The following LINGO2 variants were observed in gnomAD, a reference collection of about 807,000 sequenced individuals.
The protein encoded by LINGO2 is leucine-rich repeat and immunoglobulin-like domain-containing nogo receptor-interacting protein 2.
LINGO2 carries 14 observed loss-of-function variants against 30.6 expected under a neutral mutation model. The observed-to-expected ratio is 0.46, with a 90% CI of 0.30 to 0.72. LINGO2 has a LOEUF of 0.72. LINGO2 is among the 30% of genes least tolerant of loss of function. LINGO2 has a pLI of 0.07. For missense variants in LINGO2, 729 were observed against 751.7 expected, an observed-to-expected ratio of 0.97 and a Z score of 0.35; for synonymous variants, 317 against 288.5, an observed-to-expected ratio of 1.10 and a Z score of -1.00.
At chr9:28,198,381 A>G (rs1297683751) in intron 4 of LINGO2, among the ~76,000 whole-genome samples, 1 of 152,154 alleles carries the variant, frequency 6.6e-6, no homozygotes, top group Non-Finnish European at 1.5e-5. Flanking sequence ...TCTCTGGATA[A>G]ATATACTGTA....
At chr9:28,093,432 C>T (rs1041728610) in intron 4 of LINGO2, among the ~76,000 whole-genome samples, 2 of 152,084 alleles carry the variant, frequency 1.3e-5, no homozygotes, top group African/African-American at 4.8e-5. Context: ...AGCATAGCAA[C>T]ACGTTAGTTT....
the LINGO2 span, among the ~76,000 whole-genome samples, chr9:28,753,151 G>A: frequency 1.3e-5 from 2 of 151,856 alleles, no homozygotes; most frequent in Non-Finnish European, 2.9e-5. Context: ...AGGAGTGTAG[G>A]AAAATCCTCA....
chr9:28,081,318 A>T (rs1181243275), intron 4 of LINGO2, among the ~76,000 whole-genome samples: 1 of 151,930 alleles, frequency 6.6e-6, no homozygotes, highest in Non-Finnish European at 1.5e-5. Context: ...GTTCACATTC[A>T]CATTTTATTC....
chr9:29,112,621 C>T, the LINGO2 span, among the ~76,000 whole-genome samples: 1 of 152,170 alleles, frequency 6.6e-6, no homozygotes, highest in African/African-American at 2.4e-5. Flanking sequence ...ACTCTTGGCA[C>T]ATTCATAACC....
intron 1 of LINGO2, among the ~76,000 whole-genome samples, chr9:28,604,076 T>C (rs1314998328): frequency 6.6e-6 from 1 of 152,032 alleles, no homozygotes; most frequent in Non-Finnish European, 1.5e-5. Context: ...TCTATGGCCT[T>C]TTACAGTATG....
At chr9:28,816,471 C>T in the LINGO2 span, among the ~76,000 whole-genome samples, 1 of 152,104 alleles carries the variant, frequency 6.6e-6, no homozygotes, top group East Asian at 1.9e-4. Context: ...GCAATTTAGG[C>T]AAATTGTAGG....
chr9:28,374,421 G>A (rs1821041786), intron 2 of LINGO2, among the ~76,000 whole-genome samples: 3 of 151,566 alleles, frequency 2.0e-5, no homozygotes, highest in Admixed American at 2.0e-4. Context: ...ATAGAAAGAA[G>A]GACATCCAAA....
At chr9:28,598,218 C>G (rs552833620) in intron 1 of LINGO2, among the ~76,000 whole-genome samples, 11 of 151,996 alleles carry the variant, frequency 7.2e-5, no homozygotes, top group Non-Finnish European at 1.5e-4. Context: ...AGGTAGTAAA[C>G]ATCCACAGAA....
At chr9:28,479,910 G>GTT (rs1825877893) in intron 1 of LINGO2, among the ~76,000 whole-genome samples, 2 of 17,254 alleles carry the variant, frequency 1.2e-4, no homozygotes, top group Admixed American at 1.4e-3. Context: ...TATATACGTA[G>GTT]GTATATATAT....
the LINGO2 span, among the ~76,000 whole-genome samples, chr9:28,883,622 G>GTGTGTGTGTGTA: frequency 2.3e-4 from 6 of 26,040 alleles, 1 homozygote; most frequent in African/African-American, 5.0e-4. Flanking sequence ...TAAAATATGT[G>GTGTGTGTGTGTA]TGTGTGTATA....
At chr9:27,953,719 T>C (rs1479318140) in intron 5 of LINGO2, among the ~76,000 whole-genome samples, 2 of 152,196 alleles carry the variant, frequency 1.3e-5, no homozygotes, top group African/African-American at 4.8e-5. Context: ...TCCCCAGCCA[T>C]GCTGATGTGT....
chr9:28,149,076 T>A, intron 4 of LINGO2: 1 of 1,533,966 alleles, frequency 6.5e-7, no homozygotes, highest in Non-Finnish European at 8.7e-7. Flanking sequence ...GAGGCACTGT[T>A]GGTGGGTCAG....
intron 2 of LINGO2, among the ~76,000 whole-genome samples, chr9:28,401,656 T>C (rs538804025): frequency 2.4e-4 from 36 of 152,290 alleles, no homozygotes; most frequent in Middle Eastern, 6.8e-3. Context: ...TACCCAGTAA[T>C]GGGATTGCTG....
chr9:28,019,330 T>TTTC (rs1554659386), intron 4 of LINGO2, among the ~76,000 whole-genome samples: 1 of 150,336 alleles, frequency 6.7e-6, no homozygotes, highest in Non-Finnish European at 1.5e-5. Flanking sequence ...TTTTTTTTTT[T>TTTC]CCATTCCTTA....
At chr9:28,254,945 T>A (rs1476278442) in intron 4 of LINGO2, among the ~76,000 whole-genome samples, 1 of 151,980 alleles carries the variant, frequency 6.6e-6, no homozygotes, top group Admixed American at 6.6e-5. Context: ...TAGGCCCCAG[T>A]GTGTGTTGCT....
the LINGO2 span, among the ~76,000 whole-genome samples, chr9:28,848,288 CAT>C: frequency 0.29 from 28,947 of 98,300 alleles, 4,395 homozygotes; most frequent in East Asian, 0.47. Flanking sequence ...ATACACTATG[CAT>C]ATATATATAC....
chr9:28,585,269 C>T (rs1011383501), intron 1 of LINGO2, among the ~76,000 whole-genome samples: 1 of 151,948 alleles, frequency 6.6e-6, no homozygotes, highest in African/African-American at 2.4e-5. Context: ...ATAAATCTGA[C>T]AACCCTAAGG....
chr9:28,175,278 A>T (rs1334546352), intron 4 of LINGO2, among the ~76,000 whole-genome samples: 5 of 152,042 alleles, frequency 3.3e-5, no homozygotes. Context: ...TTCTCAGGCA[A>T]ATGCAGGTGA....
At chr9:28,747,480 C>T in the LINGO2 span, among the ~76,000 whole-genome samples, 1 of 152,070 alleles carries the variant, frequency 6.6e-6, no homozygotes, top group Admixed American at 6.5e-5. Flanking sequence ...AACACATAAG[C>T]CATCTGTGGA....
Sources: allele counts gnomAD v4.1 joint callset (sites outside exome capture counted in the v4.1 genomes callset), GRCh38; gene constraint gnomAD v4.1.1; transcripts MANE v1.5; gene names NCBI Gene and HGNC (gene_info 2026-07-23, HGNC 2026-07-21).